Variants in RIPK4 observed in about 807,000 individuals in gnomAD.
RIPK4 encodes receptor-interacting serine/threonine-protein kinase 4.
RIPK4 carries 17 observed loss-of-function variants against 42.9 expected under a neutral mutation model. The observed-to-expected ratio is 0.40, with a 90% CI of 0.27 to 0.59. The LOEUF is 0.59. Ranked by LOEUF, RIPK4 falls within the 20% of genes least tolerant of loss-of-function variation. The pLI, the probability that RIPK4 is intolerant of heterozygous loss-of-function variation, is 0.47. For synonymous variants in RIPK4, 498 were observed against 499.1 expected (o/e 1.00, Z 0.03); for missense variants, 897 against 1,104.4 (o/e 0.81, Z 2.66).
chr21:41,746,002 G>C, intron 5 of RIPK4, 140 bp from the exon 6 acceptor site: 1 of 787,160 alleles, frequency 1.3e-6, no homozygotes, highest in Admixed American at 1.8e-5. Context: ...GCAAGCCCAG[G>C]GGCCCTACAT....
At chr21:41,744,451 C>T (rs1168477890) in intron 6 of RIPK4, among the ~76,000 whole-genome samples, 2 of 152,172 alleles carry the variant, frequency 1.3e-5, no homozygotes, top group Non-Finnish European at 2.9e-5. Flanking sequence ...ACCCGCACAG[C>T]GCCAGGGAGC....
chr21:41,756,884 G>A (rs901012100), intron 1 of RIPK4, 68 bp from the exon 2 acceptor site: 1 of 1,531,492 alleles, frequency 6.5e-7, no homozygotes. Flanking sequence ...ACAGCACCCT[G>A]GCCAGAAGAC....
intron 1 of RIPK4, among the ~76,000 whole-genome samples, chr21:41,766,280 G>C (rs999721187): frequency 5.3e-5 from 8 of 152,246 alleles, no homozygotes; most frequent in Non-Finnish European, 7.3e-5. Flanking sequence ...AGCCTCGCCC[G>C]AGCCAAGCCG....
At position 41,743,378 on chromosome 21, in the gene RIPK4, C is replaced by G. The variant is rs572271975; in HGVS notation, c.1195+504G>C. On this transcript the variant is annotated intron_variant, in intron 7 of 7. Transcript: ENST00000332512. ...CTAAAAGAGAAGTGCTCCTCCCTAT[C>G]AGGTGGTTTGCAAAGGTGGCCTGGT... 6.4e-4 allele frequency among the ~76,000 whole-genome samples: 98 copies of G among 152,382 alleles called. 3 individuals are homozygous for G. The South Asian group carries it at 0.02, about 31-fold the overall frequency.
At position 41,741,154 on chromosome 21, in the gene RIPK4, T is replaced by C. The variant is rs2061151862; in HGVS notation, c.2039A>G (p.Asn680Ser). 1 of 1,612,654 alleles carries C rather than the reference T, an allele frequency of 6.2e-7. No homozygotes were observed. The highest frequency in any genetic ancestry group is 8.5e-7 in the Non-Finnish European group (1 of 1,179,798). Residue 680 changes from asparagine (N) to serine (S), a missense_variant, in exon 8 of 8, where the codon AAC (asparagine) becomes AGC (serine). By Grantham distance (46) the Asn-to-Ser change is conservative (BLOSUM62 1). Transcript: ENST00000332512. Reference sequence around the variant, plus strand: ...CAGCTTGACAGTGGCCAGGTGTCCGTTGCGGGCAGCCAGGTGCAGAGCGGT... The same window carrying C: ...CAGCTTGACAGTGGCCAGGTGTCCGCTGCGGGCAGCCAGGTGCAGAGCGGT... ...GYTALHLAAR[N>S]GHLATVKLLV...
At position 41,740,306 on chromosome 21, in the gene RIPK4, G is replaced by A. The variant is rs1275208399; in HGVS notation, c.*532C>T. ...TCATTTAGAGACTAGACTATCCAAT[G>A]TTATGAACATTTTTAACAGGTTTCA... is the stretch of plus-strand genomic sequence containing the variant. On this transcript the variant is annotated 3_prime_UTR_variant, in exon 8 of 8. Transcript: ENST00000332512. 6.5e-6 allele frequency: 1 copy of A among 153,254 alleles called. No homozygotes were observed. Among genetic ancestry groups the A allele is most frequent in the Non-Finnish European group, 1.5e-5 (1 of 68,866 alleles). The allele number at this position is 153,254 out of a possible 1,614,324, so 9.5% of individuals were successfully genotyped here. A position where few individuals can be genotyped will look rare whatever the true frequency, so the allele number is the denominator to read the frequency against.
chr21:41,748,204 CAAGATACTTGATCTTGCGATGCTGG>C (rs1019790719), intron 4 of RIPK4, among the ~76,000 whole-genome samples: 1 of 152,220 alleles, frequency 6.6e-6, no homozygotes, highest in Non-Finnish European at 1.5e-5. Context: ...TTAAAGCTGC[CAAGATACTTGATCTTGCGATGCTGG>C]AAGATCTCTT....
Position 41,751,925 on chromosome 21 carries a change from C to T in RIPK4, c.475-680G>A, listed in dbSNP as rs1356815077. Among the ~76,000 whole-genome samples the T allele has an allele frequency of 1.3e-5, 2 of 152,186 alleles. No homozygotes were observed. The highest frequency in any genetic ancestry group is 1.9e-4 in the East Asian group (1 of 5,182). On this transcript the variant is annotated intron_variant, in intron 2 of 7. Coordinates refer to ENST00000332512, the MANE Select transcript of RIPK4 (RefSeq NM_020639.3). This position sits in a 1 kb window ranked among gnomAD's most constrained non-coding sequence, Gnocchi z 4.5. The stretch of plus-strand genomic sequence containing the variant: ...GGCAGCGCCCGGGCCCCAAGGAGCA[C>T]CGGCCACCCAGCTCCTCCAGGAATG...
At position 41,746,674 on chromosome 21, in the gene RIPK4, G is replaced by T. The variant is rs775801568; in HGVS notation, c.771C>A (p.His257Gln). ...AGCACCGCTGCATGAGGCGTATCAG[G>T]TGGCTGCAGGCGCGCGGCCGGGCTC... is the stretch of plus-strand genomic sequence containing the variant. ...VCRARPRACS[H>Q]LIRLMQRCWQ... The change falls in exon 5 of 8, where the codon CAC (histidine) becomes CAA (glutamine). Residue 257 changes from histidine (H) to glutamine (Q), a missense_variant. Physicochemically the swap from His to Gln is conservative, Grantham distance 24. Coordinates refer to ENST00000332512, the MANE Select transcript of RIPK4 (RefSeq NM_020639.3). 1 of 1,611,398 alleles carries T rather than the reference G, an allele frequency of 6.2e-7. No homozygotes were observed. Among genetic ancestry groups the T allele is most frequent in the Non-Finnish European group, 8.5e-7 (1 of 1,179,852 alleles).
At chr21:41,743,463 C>T (rs2061160688) in intron 7 of RIPK4, among the ~76,000 whole-genome samples, 1 of 152,240 alleles carries the variant, frequency 6.6e-6, no homozygotes, top group South Asian at 2.1e-4. Flanking sequence ...GAACGGGGAG[C>T]CCACATATGC....
intron 5 of RIPK4, chr21:41,746,304 C>A: frequency 3.4e-6 from 2 of 592,904 alleles, no homozygotes; most frequent in Non-Finnish European, 3.0e-6. Flanking sequence ...GGTAAGTCCC[C>A]GGGAAGAGCA....
At chr21:41,756,414 A>G in intron 2 of RIPK4, 111 bp downstream of exon 2, 9 of 1,318,404 alleles carry the variant, frequency 6.8e-6, no homozygotes, top group Non-Finnish European at 9.3e-6. Context: ...AAGAAGAACC[A>G]CCTCCTCTTC....
rs2146049125 is a variant in RIPK4 at position 41,746,678 on chromosome 21, C to T, written c.767G>A (p.Ser256Asn). 1 of 1,611,360 alleles carries T rather than the reference C, an allele frequency of 6.2e-7. No homozygotes were observed. The highest frequency in any genetic ancestry group is 2.2e-5 in the East Asian group (1 of 44,880). The change falls in exon 5 of 8, where the codon AGC becomes AAC. Residue 256 changes from serine (S) to asparagine (N), a missense_variant. Ser to Asn is a conservative substitution (Grantham distance 46, BLOSUM62 1). Transcript: ENST00000332512. ...PVCRARPRAC[S>N]HLIRLMQRCW... Reference sequence around the variant, plus strand: ...CCGCTGCATGAGGCGTATCAGGTGGCTGCAGGCGCGCGGCCGGGCTCTGCA... The same window carrying T: ...CCGCTGCATGAGGCGTATCAGGTGGTTGCAGGCGCGCGGCCGGGCTCTGCA...
chr21:41,761,021 C>T (rs188976425), intron 1 of RIPK4, among the ~76,000 whole-genome samples: 11 of 152,322 alleles, frequency 7.2e-5, no homozygotes, highest in South Asian at 2.1e-4. Context: ...AGCATACCAT[C>T]GGCTGCTTCC....
At position 41,740,873 on chromosome 21, in the gene RIPK4, G is replaced by A. The variant is rs1296386403; in HGVS notation, c.2320C>T (p.Pro774Ser). The A allele has an allele frequency of 2.5e-6, 4 of 1,610,794 alleles. No individual in the cohort carries two copies. Among genetic ancestry groups the A allele is most frequent in the African/African-American group, 2.7e-5 (2 of 74,912 alleles). ...QSLKFQGGHG[P>S]AATLLRRSKT ...CTTCGCCGCAGGAGCGTGGCGGCGG[G>A]GCCATGGCCGCCCTGGAACTTGAGG... Residue 774 changes from proline (P) to serine (S), a missense_variant, in exon 8 of 8, where the codon CCC becomes TCC. Coordinates refer to ENST00000332512, the MANE Select transcript of RIPK4 (RefSeq NM_020639.3).
intron 1 of RIPK4, among the ~76,000 whole-genome samples, chr21:41,759,844 C>T (rs2061215565): frequency 6.6e-6 from 1 of 152,260 alleles, no homozygotes; most frequent in African/African-American, 2.4e-5. Flanking sequence ...GCAGGAACCC[C>T]TGGATCCTAC....
At chr21:41,752,808 C>G (rs80117645) in intron 2 of RIPK4, among the ~76,000 whole-genome samples, 1 of 152,078 alleles carries the variant, frequency 6.6e-6, no homozygotes. Flanking sequence ...GAACATCACA[C>G]GCCGGGCCCT....
Position 41,745,721 on chromosome 21 carries a change from C to T in RIPK4, c.936+38G>A, listed in dbSNP as rs200625686. The T allele has an allele frequency of 1.2e-4, 177 of 1,505,380 alleles. 1 individual carries two copies. Among genetic ancestry groups the T allele is most frequent in the African/African-American group, 7.5e-4 (54 of 72,450 alleles). 93.3% of individuals were successfully genotyped at this position (1,505,380 alleles called of 1,614,324 possible). On this transcript the variant is annotated intron_variant, in intron 6 of 7. Transcript: ENST00000332512. ...GGTTTGGAAACTCCTGCCTGGAAGC[C>T]GAGGAGACAAAAGACCCCTGTGGGA...
Position 41,741,666 on chromosome 21 carries a change from G to A in RIPK4, c.1527C>T (p.His509=). The A allele has an allele frequency of 1.2e-6, 2 of 1,613,746 alleles. No individual in the cohort carries two copies. Among genetic ancestry groups the A allele is most frequent in the South Asian group, 2.2e-5 (2 of 91,090 alleles). The change falls in exon 8 of 8, where the codon CAC becomes CAT. Residue 509 remains histidine, a synonymous_variant. Transcript: ENST00000332512. ...ACTCGTCCCCGTTCTGGGCTGCAAA[G>A]TGGAGGGCTGTCCACTGGTCCTCAT... ...AKDEDQWTAL[H]FAAQNGDESS... is the part of the protein sequence containing the mutation.
Sources: gnomAD v4.1 joint callset for allele counts (sites outside exome capture counted in the v4.1 genomes callset) on GRCh38, gnomAD v4.1.1 for gene constraint, Gnocchi (gnomAD v3.1) non-coding constraint, MANE v1.5 for transcripts, NCBI Gene and HGNC (gene_info 2026-07-23, HGNC 2026-07-21) for gene names.